The following AADACL4 variants were observed in gnomAD, a reference collection of about 807,000 sequenced individuals.
AADACL4 encodes the protein arylacetamide deacetylase like 4.
In AADACL4, 9 loss-of-function variants were observed where a neutral mutation model predicts 14.1. The ratio of observed to expected loss-of-function variants is 0.64; its 90% CI spans 0.39 to 1.12. AADACL4 has a LOEUF of 1.12. Among genes scored for constraint, AADACL4 ranks in the 50% most tolerant of loss-of-function variants. The probability of loss-of-function intolerance (pLI) is 0.01; values close to 1 mark genes in which losing one functional copy is unlikely to be tolerated. For synonymous variants in AADACL4, 188 were observed against 201.6 expected (o/e 0.93, Z 0.57); for missense variants, 531 against 516.1 (o/e 1.03, Z -0.28).
chr1:12,666,101 C>T lies in AADACL4; in HGVS notation c.590C>T (p.Ala197Val). The T allele has an allele frequency of 6.2e-7, 1 of 1,614,248 alleles. No individual in the cohort carries two copies. Among genetic ancestry groups the T allele is most frequent in the East Asian group, 2.2e-5 (1 of 44,884 alleles). The change falls in exon 4 of 4, where the codon GCA becomes GTA. Residue 197 changes from alanine (A) to valine (V), a missense_variant. By Grantham distance (64) the Ala-to-Val change is moderately conservative. Transcript: ENST00000376221. ...GTCTGTGGAGAAAGCGTCGGAGGTG[C>T]AGCGGTGGCCGCCATCACCCAGGCC... ...VVVCGESVGG[A>V]AVAAITQALV...
In AADACL4 at chr1:12,651,108, T is replaced by C; in HGVS notation, c.169-15T>C. The C allele has an allele frequency of 6.2e-7, 1 of 1,611,932 alleles. No individual in the cohort carries two copies. The highest frequency in any genetic ancestry group is 8.5e-7 in the Non-Finnish European group (1 of 1,178,132). ...CCTCTCCTAACGTCTGGCTTTCTTT[T>C]GTTACCTCCAACAGGGGAATATATT... On this transcript the variant is annotated splice_polypyrimidine_tract_variant and intron_variant, in intron 1 of 3. Transcript: ENST00000376221.
chr1:12,646,991 G>GT (rs1647115751), intron 1 of AADACL4, among the ~76,000 whole-genome samples: 1 of 151,866 alleles, frequency 6.6e-6, no homozygotes, highest in Non-Finnish European at 1.5e-5. Flanking sequence ...CAAGAGCTTT[G>GT]TTTCGGTATC....
Position 12,666,196 on chromosome 1 carries a change from T to G in AADACL4, c.685T>G (p.Cys229Gly), listed in dbSNP as rs753254309. Residue 229 changes from cysteine to glycine, a missense_variant, in exon 4 of 4, where the codon TGT (cysteine) becomes GGT (glycine). Coordinates refer to ENST00000376221, the MANE Select transcript of AADACL4 (RefSeq NM_001013630.2). Reference sequence around the variant, plus strand: ...GATTTATCCAGTTGTCCAGGCATTCTGTTTGCAGTTGCCATCCTTTCAGCA... The same window carrying G: ...GATTTATCCAGTTGTCCAGGCATTCGGTTTGCAGTTGCCATCCTTTCAGCA... ...VLIYPVVQAF[C>G]LQLPSFQQNQ... 2.5e-6 allele frequency: 4 copies of G among 1,614,152 alleles called. No homozygotes were observed. Among genetic ancestry groups the G allele is most frequent in the Non-Finnish European group, 2.5e-6 (3 of 1,180,056 alleles).
chr1:12,662,419 T>C (rs1412405753), intron 3 of AADACL4, among the ~76,000 whole-genome samples: 2 of 152,128 alleles, frequency 1.3e-5, no homozygotes, highest in Non-Finnish European at 2.9e-5. Flanking sequence ...CTGGCTGTTG[T>C]TTGGGGTGAT....
At chr1:12,661,572 G>T (rs1251653372) in intron 2 of AADACL4, among the ~76,000 whole-genome samples, 1 of 152,126 alleles carries the variant, frequency 6.6e-6, no homozygotes, top group African/African-American at 2.4e-5. Context: ...CAGAAAGTGA[G>T]CCCCAAGGTG....
In AADACL4 at chr1:12,651,930, G is replaced by A. The variant is rs1293759460; in HGVS notation, c.385+591G>A. Among the ~76,000 whole-genome samples the A allele has an allele frequency of 4.7e-5, 7 of 150,348 alleles. No individual in the cohort carries two copies. In the South Asian group the frequency reaches 8.5e-4, roughly 18 times the overall value. ...TGCAAGCTGCGCCTCTCGGGTTCAC[G>A]CCATTCTCCTGCCTCAGCCTCCCAA... On this transcript the variant is annotated intron_variant, in intron 2 of 3. Transcript: ENST00000376221.
intron 2 of AADACL4, among the ~76,000 whole-genome samples, chr1:12,660,386 G>A (rs1647217320): frequency 6.6e-6 from 1 of 152,182 alleles, no homozygotes; most frequent in Non-Finnish European, 1.5e-5. Flanking sequence ...CCAAGGCGAT[G>A]TCTTGCCTAC....
At position 12,660,225 on chromosome 1, in the gene AADACL4, G is replaced by A. The variant is rs960481516; in HGVS notation, c.386-1566G>A. ...GGCTTCCCAAAGTGCTGGGATTACA[G>A]GTGTGAGCCACTGCACCCAGCCAAG... On this transcript the variant is annotated intron_variant, in intron 2 of 3. Transcript: ENST00000376221. Among the ~76,000 whole-genome samples the A allele has an allele frequency of 4.6e-5, 7 of 152,324 alleles. No individual in the cohort carries two copies. In the South Asian group the frequency reaches 1.0e-3, roughly 23 times the overall value.
rs368669363 is a variant in AADACL4 at position 12,651,378 on chromosome 1, C to T, written c.385+39C>T. 3.7e-4 allele frequency: 596 copies of T among 1,595,538 alleles called. 7 individuals carry two copies. Among genetic ancestry groups the T allele is most frequent in the Non-Finnish European group, 8.2e-5 (96 of 1,165,646 alleles). On this transcript the variant is annotated intron_variant, in intron 2 of 3. Transcript: ENST00000376221. Reference sequence around the variant, plus strand: ...CTGTGGCTTTGTAGAGGAAGGGCCTCATCTGCATGCATAGCCTAGCTCATG... The same window carrying T: ...CTGTGGCTTTGTAGAGGAAGGGCCTTATCTGCATGCATAGCCTAGCTCATG...
In AADACL4 at chr1:12,651,355, G is replaced by T; in HGVS notation, c.385+16G>T. On this transcript the variant is annotated intron_variant, in intron 2 of 3. Transcript: ENST00000376221. The stretch of plus-strand genomic sequence containing the variant: ...GGGAGCCTGGGTAAGGGGCTTCCCT[G>T]TGGCTTTGTAGAGGAAGGGCCTCAT... The T allele has an allele frequency of 6.2e-7, 1 of 1,613,328 alleles. No homozygotes were observed. Among genetic ancestry groups the T allele is most frequent in the Non-Finnish European group, 8.5e-7 (1 of 1,179,668 alleles).
chr1:12,660,181 C>T (rs1000895024), intron 2 of AADACL4, among the ~76,000 whole-genome samples: 11 of 152,222 alleles, frequency 7.2e-5, no homozygotes, highest in African/African-American at 2.7e-4. Flanking sequence ...CTTCTGGGCT[C>T]AAGTGATCCT....
At chr1:12,661,950 A>T in intron 3 of AADACL4, 96 bp downstream of exon 3, 1 of 1,356,670 alleles carries the variant, frequency 7.4e-7, no homozygotes, top group Non-Finnish European at 1.0e-6. Context: ...CCTAACTCCC[A>T]AGAGGCAACT....
In AADACL4 at chr1:12,666,578, A is replaced by G. The variant is rs1367393081; in HGVS notation, c.1067A>G (p.Tyr356Cys). 8 of 1,614,070 alleles carry G rather than the reference A, an allele frequency of 5.0e-6. No individual in the cohort carries two copies. The highest frequency in any genetic ancestry group is 5.9e-6 in the Non-Finnish European group (7 of 1,180,038). ...NDILRDDSLL[Y>C]KKRLEDQGVR... is the part of the protein sequence containing the mutation. The stretch of plus-strand genomic sequence containing the variant: ...ATACTCCGTGATGACAGCTTGCTCT[A>G]TAAGAAGCGCTTGGAGGACCAGGGG... Residue 356 changes from tyrosine (Y) to cysteine (C), a missense_variant, in exon 4 of 4, where the codon TAT becomes TGT. Coordinates refer to ENST00000376221, the MANE Select transcript of AADACL4 (RefSeq NM_001013630.2).
intron 1 of AADACL4, among the ~76,000 whole-genome samples, chr1:12,650,783 G>C (rs1450744434): frequency 1.3e-5 from 2 of 152,054 alleles, no homozygotes; most frequent in South Asian, 2.1e-4. Flanking sequence ...CGTCCACCTC[G>C]GCCTCCCAAA....
At chr1:12,662,382 G>C (rs1647242950) in intron 3 of AADACL4, among the ~76,000 whole-genome samples, 1 of 152,170 alleles carries the variant, frequency 6.6e-6, no homozygotes, top group African/African-American at 2.4e-5. Context: ...CATGATGGTG[G>C]GGTTGGTGAA....
chr1:12,647,900 C>T (rs1157501756), intron 1 of AADACL4, among the ~76,000 whole-genome samples: 6 of 152,038 alleles, frequency 3.9e-5, no homozygotes, highest in African/African-American at 9.7e-5. Context: ...TCAAGAGATC[C>T]GCCTGCCTTG....
Position 12,644,642 on chromosome 1 carries a change from T to C in AADACL4, c.96T>C (p.Asp32=), listed in dbSNP as rs1412539849. The C allele has an allele frequency of 1.9e-6, 3 of 1,614,152 alleles. No individual in the cohort carries two copies. The highest frequency in any genetic ancestry group is 2.5e-6 in the Non-Finnish European group (3 of 1,180,000). ...TCTTTGAGCACTTCCTCACCACGGA[T>C]ATCCCTGCTACCTTGCAGCATCCTG... ...WAVFEHFLTT[D]IPATLQHPAK... Residue 32 remains aspartate, a synonymous_variant, in exon 1 of 4, where the codon GAT becomes GAC. Coordinates refer to ENST00000376221, the MANE Select transcript of AADACL4 (RefSeq NM_001013630.2).
chr1:12,658,139 C>CTTT lies in AADACL4; in HGVS notation c.386-3652_386-3651insTTT, dbSNP rs1647196704. Among the ~76,000 whole-genome samples the CTTT allele has an allele frequency of 8.7e-4, 74 of 84,926 alleles. 1 individual carries two copies. The highest frequency in any genetic ancestry group is 7.0e-3 in the Admixed American group (60 of 8,512). The allele number at this position is 84,926 out of a possible 152,430, so 55.7% of individuals were successfully genotyped here. A position where few individuals can be genotyped will look rare whatever the true frequency, so the allele number is the denominator to read the frequency against. The stretch of plus-strand genomic sequence containing the variant: ...TCCTTCCTTCCTTCCTTCCTTCCTT[C>CTTT]CTTTCTTTCTTTCTTTCTTTCTTTC... On this transcript the variant is annotated intron_variant, in intron 2 of 3. Coordinates refer to ENST00000376221, the MANE Select transcript of AADACL4 (RefSeq NM_001013630.2).
chr1:12,649,395 C>T (rs777193414), intron 1 of AADACL4, among the ~76,000 whole-genome samples: 2 of 152,162 alleles, frequency 1.3e-5, no homozygotes, highest in Non-Finnish European at 2.9e-5. Flanking sequence ...CCAGCCTACC[C>T]TGACAACAGG....
Sources: gnomAD v4.1 joint callset for allele counts (sites outside exome capture counted in the v4.1 genomes callset) on GRCh38, gnomAD v4.1.1 for gene constraint, MANE v1.5 for transcripts, NCBI Gene and HGNC (gene_info 2026-07-23, HGNC 2026-07-21) for gene names.